Variants in LRBA observed in about 807,000 individuals in gnomAD.
The protein encoded by LRBA is LPS responsive beige-like anchor protein, also known as lipopolysaccharide-responsive and beige-like anchor protein.
Under a neutral mutation model 330.0 loss-of-function variants are expected in LRBA, and 176 were observed. That is an observed-to-expected ratio of 0.53 (90% CI 0.47 to 0.60). The LOEUF is 0.60. Among genes scored for constraint, LRBA ranks in the 20% least tolerant of loss-of-function variants. LRBA has a pLI of 0.00. For missense variants in LRBA, 3,259 were observed against 3,444.8 expected, an observed-to-expected ratio of 0.95 and a Z score of 1.35; for synonymous variants, 1,230 against 1,193.0, an observed-to-expected ratio of 1.03 and a Z score of -0.64.
At position 150,740,504 on chromosome 4, in the gene LRBA, C is replaced by T. The variant is rs561619832; in HGVS notation, c.5646-5138G>A. 6.6e-5 allele frequency among the ~76,000 whole-genome samples: 10 copies of T among 151,860 alleles called. No homozygotes were observed. In the South Asian group the frequency reaches 2.1e-3, roughly 32 times the overall value. On this transcript the variant is annotated intron_variant, in intron 35 of 56. Coordinates refer to ENST00000651943, the MANE Select transcript of LRBA (RefSeq NM_001364905.1). ...TTTAAGGCAAATACACAAAAATCAA[C>T]TAGATTATATGTATAGGTTACTAAC...
At chr4:150,348,553 A>G (rs190650034) in intron 48 of LRBA, among the ~76,000 whole-genome samples, 2 of 152,324 alleles carry the variant, frequency 1.3e-5, no homozygotes, top group East Asian at 3.9e-4. Flanking sequence ...GGTACAAAAA[A>G]CAATATGCTG....
At chr4:150,868,345 C>CAAA (rs773592308) in intron 20 of LRBA, 40 bp from the exon 21 acceptor site, 1 of 1,469,802 alleles carries the variant, frequency 6.8e-7, no homozygotes, top group Middle Eastern at 1.8e-4. Flanking sequence ...CCAAACTCAA[C>CAAA]AAAAAACTCA....
chr4:150,620,013 A>G (rs1776143336), intron 37 of LRBA, among the ~76,000 whole-genome samples: 1 of 152,170 alleles, frequency 6.6e-6, no homozygotes, highest in Non-Finnish European at 1.5e-5. Context: ...ACTACAAAAA[A>G]TTTATTGTAT....
intron 34 of LRBA, among the ~76,000 whole-genome samples, chr4:150,767,215 T>G (rs1382909681): frequency 6.6e-6 from 1 of 152,194 alleles, no homozygotes; most frequent in Non-Finnish European, 1.5e-5. Flanking sequence ...AAATTCTAAT[T>G]TCTTTAGACA....
At chr4:150,562,806 T>TC (rs1330588686) in intron 40 of LRBA, among the ~76,000 whole-genome samples, 1 of 118,674 alleles carries the variant, frequency 8.4e-6, no homozygotes, top group Non-Finnish European at 1.9e-5. Flanking sequence ...TGCTTTGAAA[T>TC]AATTTTTTTT....
intron 31 of LRBA, among the ~76,000 whole-genome samples, chr4:150,812,729 A>C (rs1743930063): frequency 6.6e-6 from 1 of 152,218 alleles, no homozygotes; most frequent in Non-Finnish European, 1.5e-5. Flanking sequence ...ACTGTCTAAT[A>C]TTCTAGTAAG....
At chr4:150,894,045 A>C (rs993872366) in intron 16 of LRBA, among the ~76,000 whole-genome samples, 4 of 152,224 alleles carry the variant, frequency 2.6e-5, no homozygotes, top group Non-Finnish European at 5.9e-5. Flanking sequence ...GATTTTGTAA[A>C]ACATAACCTT....
At chr4:150,787,586 C>T (rs1739270287) in intron 34 of LRBA, among the ~76,000 whole-genome samples, 1 of 152,054 alleles carries the variant, frequency 6.6e-6, no homozygotes, top group Non-Finnish European at 1.5e-5. Flanking sequence ...TGTTTTGATA[C>T]AGGCATGCAA....
chr4:150,591,392 A>C (rs1172585762), intron 38 of LRBA, among the ~76,000 whole-genome samples: 1 of 152,194 alleles, frequency 6.6e-6, no homozygotes, highest in Non-Finnish European at 1.5e-5. Flanking sequence ...TCTGACACTA[A>C]TAAGACTACA....
chr4:150,858,549 G>A (rs1369798948), intron 22 of LRBA, among the ~76,000 whole-genome samples: 1 of 152,048 alleles, frequency 6.6e-6, no homozygotes, highest in African/African-American at 2.4e-5. Context: ...TGTAATTTTT[G>A]TGAGATATCT....
chr4:150,287,334 A>G (rs1284382838), intron 53 of LRBA, among the ~76,000 whole-genome samples: 6 of 152,224 alleles, frequency 3.9e-5, no homozygotes, highest in Non-Finnish European at 7.3e-5. Context: ...CCAGTAGGTC[A>G]CTGGGTTATT....
intron 40 of LRBA, among the ~76,000 whole-genome samples, chr4:150,536,287 T>G (rs977270450): frequency 2.0e-5 from 3 of 152,202 alleles, no homozygotes; most frequent in Non-Finnish European, 4.4e-5. Flanking sequence ...TGATTAGGTA[T>G]GAGATAATAT....
intron 37 of LRBA, among the ~76,000 whole-genome samples, chr4:150,643,934 G>A (rs930456389): frequency 1.2e-4 from 18 of 151,864 alleles, no homozygotes; most frequent in Non-Finnish European, 1.9e-4. Flanking sequence ...AGCAGAGTAC[G>A]TGGTGCTCTC....
intron 47 of LRBA, among the ~76,000 whole-genome samples, chr4:150,388,282 G>T (rs1378526379): frequency 6.6e-6 from 1 of 152,216 alleles, no homozygotes; most frequent in African/African-American, 2.4e-5. Flanking sequence ...AATCACAGGG[G>T]TGTAATTAGG....
chr4:150,457,857 A>G (rs1754283073), intron 44 of LRBA, among the ~76,000 whole-genome samples: 1 of 151,978 alleles, frequency 6.6e-6, no homozygotes, highest in African/African-American at 2.4e-5. Flanking sequence ...TGCTATGCAA[A>G]TAAAACAATT....
At chr4:150,846,733 T>A (rs907968960) in intron 26 of LRBA, among the ~76,000 whole-genome samples, 7 of 151,880 alleles carry the variant, frequency 4.6e-5, no homozygotes, top group South Asian at 2.1e-4. Flanking sequence ...AAATACAATT[T>A]AAAAAAAAGA....
intron 44 of LRBA, among the ~76,000 whole-genome samples, chr4:150,440,416 A>C (rs1357149759): frequency 6.6e-6 from 1 of 152,140 alleles, no homozygotes; most frequent in African/African-American, 2.4e-5. Flanking sequence ...AAATAGGTTT[A>C]AGTAAAATAG....
chr4:150,674,732 G>A (rs1192520649), intron 37 of LRBA, among the ~76,000 whole-genome samples: 2 of 151,208 alleles, frequency 1.3e-5, no homozygotes, highest in African/African-American at 4.9e-5. Flanking sequence ...TTAATTAGTC[G>A]GGCATGGTGT....
intron 36 of LRBA, among the ~76,000 whole-genome samples, chr4:150,717,392 T>C (rs532617530): frequency 3.9e-5 from 6 of 152,106 alleles, no homozygotes; most frequent in African/African-American, 1.2e-4. Context: ...ATTGCTATAT[T>C]TGCCAGACAT....
Sources: gnomAD v4.1 joint callset for allele counts (sites outside exome capture counted in the v4.1 genomes callset) on GRCh38, gnomAD v4.1.1 for gene constraint, MANE v1.5 for transcripts, NCBI Gene and HGNC (gene_info 2026-07-23, HGNC 2026-07-21) for gene names.